APOL2: variants seen among roughly 807,000 people sequenced by gnomAD.
APOL2 encodes the protein apolipoprotein L, 2.
In APOL2, 8 loss-of-function variants were observed where a neutral mutation model predicts 7.1. The ratio of observed to expected loss-of-function variants is 1.12; its 90% CI spans 0.66 to 2.03. APOL2 has a LOEUF of 2.03. Among genes scored for constraint, APOL2 ranks in the 30% most tolerant of loss-of-function variants. APOL2 has a pLI of 0.00. For synonymous variants in APOL2, 177 were observed against 159.9 expected (o/e 1.11, Z -0.81); for missense variants, 471 against 415.1 (o/e 1.13, Z -1.17).
Position 36,227,101 on chromosome 22 carries a change from G to C in APOL2, c.*303C>G. 4.1e-6 allele frequency: 1 copy of C among 246,744 alleles called. No homozygotes were observed. The highest frequency in any genetic ancestry group is 7.8e-6 in the Non-Finnish European group (1 of 128,904). The allele number at this position is 246,744 out of a possible 1,614,324, so 15.3% of individuals were successfully genotyped here. Reference sequence around the variant, plus strand: ...GAGGCCGAGGTGGGCAGATCACGAGGTCAGGAGATGGAGACCATCGTGGCT... The same window carrying C: ...GAGGCCGAGGTGGGCAGATCACGAGCTCAGGAGATGGAGACCATCGTGGCT... On this transcript the variant is annotated 3_prime_UTR_variant, in exon 5 of 5. Coordinates refer to ENST00000358502, the MANE Select transcript of APOL2 (RefSeq NM_030882.4).
Position 36,230,661 on chromosome 22 carries a change from C to T in APOL2, c.137+679G>A, listed in dbSNP as rs181215108. Among the ~76,000 whole-genome samples the T allele has an allele frequency of 2.1e-4, 32 of 152,272 alleles. 1 individual carries two copies. In the East Asian group the frequency reaches 5.0e-3, roughly 24 times the overall value. On this transcript the variant is annotated intron_variant, in intron 4 of 4. Transcript: ENST00000358502. ...CTTTGACCTGGAGTTGCCTCTAAGG[C>T]CTTCACCACACTCCTATGACATTGA... is the stretch of plus-strand genomic sequence containing the variant.
intron 1 of APOL2, chr22:36,239,234 C>T (rs2015517564): frequency 1.5e-6 from 2 of 1,366,488 alleles, no homozygotes; most frequent in South Asian, 1.9e-5. Context: ...CCCCACCTCT[C>T]TCTACAGTTT....
In APOL2 at chr22:36,227,455, G is replaced by T; in HGVS notation, c.963C>A (p.Leu321=). Reference sequence around the variant, plus strand: ...TCTCATGGATCTTGGTGAGAAAGTTGAGCTTCCCCTCCAGCTCCTGAGCCC... The same window carrying T: ...TCTCATGGATCTTGGTGAGAAAGTTTAGCTTCCCCTCCAGCTCCTGAGCCC... ...KKRAQELEGK[L]NFLTKIHEML... Residue 321 remains leucine (L), a synonymous_variant, in exon 5 of 5, where the codon CTC becomes CTA. Transcript: ENST00000358502. 6.2e-7 allele frequency: 1 copy of T among 1,613,026 alleles called. No homozygotes were observed. Among genetic ancestry groups the T allele is most frequent in the Admixed American group, 1.7e-5 (1 of 59,940 alleles).
rs1341150616 is a variant in APOL2, at chr22:36,226,965, G to A, written c.*439C>T. 6.0e-6 allele frequency: 1 copy of A among 167,472 alleles called. No individual in the cohort carries two copies. Among genetic ancestry groups the A allele is most frequent in the Non-Finnish European group, 1.3e-5 (1 of 77,508 alleles). The allele number at this position is 167,472 out of a possible 1,614,324, so 10.4% of individuals were successfully genotyped here. On this transcript the variant is annotated 3_prime_UTR_variant, in exon 5 of 5. Transcript: ENST00000358502. ...TGTGCTCAGCTACACAAATGCCAAA[G>A]TCACTAACACTCAGTTCCATAAGCT...
At chr22:36,236,246 G>A (rs902489819) in intron 1 of APOL2, among the ~76,000 whole-genome samples, 9 of 152,272 alleles carry the variant, frequency 5.9e-5, no homozygotes, top group East Asian at 1.9e-4. Context: ...ACTTGTTACC[G>A]ATTAGTACAA....
intron 1 of APOL2, chr22:36,236,574 A>G: frequency 1.0e-6 from 1 of 985,376 alleles, no homozygotes; most frequent in Non-Finnish European, 1.2e-6. Context: ...CGGCTCCAAA[A>G]TCACCATTGT....
intron 1 of APOL2, chr22:36,236,782 A>T: frequency 9.2e-7 from 1 of 1,085,074 alleles, no homozygotes; most frequent in Non-Finnish European, 1.1e-6. Flanking sequence ...GCATCCAGAT[A>T]TCTGTCTTCT....
intron 3 of APOL2, among the ~76,000 whole-genome samples, chr22:36,231,759 A>C (rs1426484378): frequency 6.6e-6 from 1 of 152,222 alleles, no homozygotes. Flanking sequence ...TATTGTAAGA[A>C]GAGAAAGAGA....
rs1411645160 is a variant in APOL2, at chr22:36,227,554, C to G, written c.864G>C (p.Val288=). 4.3e-6 allele frequency: 7 copies of G among 1,614,110 alleles called. No individual in the cohort carries two copies. The highest frequency in any genetic ancestry group is 5.9e-6 in the Non-Finnish European group (7 of 1,180,048). The change falls in exon 5 of 5, where the codon GTG becomes GTC. Residue 288 remains valine (V), a synonymous_variant. Coordinates refer to ENST00000358502, the MANE Select transcript of APOL2 (RefSeq NM_030882.4). ...GCTTTGACTCATATGCAAGGCTGAC[C>G]ACATCCAGCAGAAGCAAGATGCCTC... The part of the protein sequence containing the change: ...ATGGILLLLD[V]VSLAYESKHL...
chr22:36,228,577 C>G (rs1363845899), intron 4 of APOL2, among the ~76,000 whole-genome samples: 1 of 152,156 alleles, frequency 6.6e-6, no homozygotes, highest in Admixed American at 6.5e-5. Flanking sequence ...ACCGTGACTG[C>G]CAAAGTGTTT....
chr22:36,226,593 G>A lies in APOL2; in HGVS notation c.*811C>T, dbSNP rs1018162039. On this transcript the variant is annotated 3_prime_UTR_variant, in exon 5 of 5. Transcript: ENST00000358502. ...CACCCCCAGAAGGACAAGGGAGAGT[G>A]GATGCTGGAAAGACAGAGCGAGAGA... The A allele has an allele frequency of 7.2e-5, 11 of 152,452 alleles. No homozygotes were observed. Among genetic ancestry groups the A allele is most frequent in the African/African-American group, 2.2e-4 (9 of 41,400 alleles). The allele number at this position is 152,452 out of a possible 1,614,324, so 9.4% of individuals were successfully genotyped here.
chr22:36,234,543 T>A (rs2015337264), intron 1 of APOL2, among the ~76,000 whole-genome samples: 1 of 152,222 alleles, frequency 6.6e-6, no homozygotes, highest in South Asian at 2.1e-4. Context: ...ATTCTGCTCC[T>A]GATTATCTTA....
chr22:36,237,277 A>G, intron 1 of APOL2: 1 of 1,356,908 alleles, frequency 7.4e-7, no homozygotes, highest in Admixed American at 3.3e-5. Context: ...CCTCCCTCCC[A>G]CCTCAGCTCT....
rs778573617 is a variant in APOL2, at chr22:36,227,903, A to G, written c.515T>C (p.Val172Ala). 1 of 1,614,014 alleles carries G rather than the reference A, an allele frequency of 6.2e-7. No individual in the cohort carries two copies. Among genetic ancestry groups the G allele is most frequent in the East Asian group, 2.2e-5 (1 of 44,892 alleles). The change falls in exon 5 of 5, where the codon GTA becomes GCA. Residue 172 changes from valine to alanine, a missense_variant. Val to Ala is a moderately conservative substitution (Grantham distance 64). Transcript: ENST00000358502. The part of the protein sequence containing the change: ...AGITCSVVEL[V>A]NKLRARAQAR... ...TTGGGCTCGTGCCCGCAATTTGTTTACTAGTTCTACCACACTGCAGGTAAT... is the reference window on the plus strand; with the variant it reads ...TTGGGCTCGTGCCCGCAATTTGTTTGCTAGTTCTACCACACTGCAGGTAAT...
At chr22:36,230,969 G>T (rs577515624) in intron 4 of APOL2, among the ~76,000 whole-genome samples, 1 of 152,270 alleles carries the variant, frequency 6.6e-6, no homozygotes, top group Non-Finnish European at 1.5e-5. Context: ...AGATGTTAAC[G>T]TTAACTGTGC....
chr22:36,231,241 G>C (rs866772765), intron 4 of APOL2, 99 bp downstream of exon 4: 6 of 1,481,794 alleles, frequency 4.0e-6, no homozygotes, highest in African/African-American at 1.4e-5. Context: ...AGCAGAGGGG[G>C]CTGCCTGGAG....
At chr22:36,236,948 G>A (rs868105256) in intron 1 of APOL2, 2 of 1,339,842 alleles carry the variant, frequency 1.5e-6, no homozygotes, top group Non-Finnish European at 1.9e-6. Flanking sequence ...TGTTCACTCT[G>A]TGACACCCTA....
intron 3 of APOL2, among the ~76,000 whole-genome samples, chr22:36,232,824 C>T (rs1333399821): frequency 6.6e-6 from 1 of 152,064 alleles, no homozygotes; most frequent in Admixed American, 6.5e-5. Flanking sequence ...CACCCCTCCC[C>T]TCCTCCTGGA....
At chr22:36,235,748 GGTGGGT>G (rs375854851) in intron 1 of APOL2, among the ~76,000 whole-genome samples, 2 of 110,700 alleles carry the variant, frequency 1.8e-5, no homozygotes, top group Admixed American at 9.4e-5. Context: ...AGAAAGGGTG[GGTGGGT>G]GGGTGTGTGT....
Sources: gnomAD v4.1 joint callset for allele counts (sites outside exome capture counted in the v4.1 genomes callset) on GRCh38, gnomAD v4.1.1 for gene constraint, MANE v1.5 for transcripts, NCBI Gene and HGNC (gene_info 2026-07-23, HGNC 2026-07-21) for gene names.